IQCH: variants seen among roughly 807,000 people sequenced by gnomAD.
IQCH encodes IQ domain-containing protein H.
IQCH carries 98 observed loss-of-function variants against 117.0 expected under a neutral mutation model. The ratio of observed to expected loss-of-function variants is 0.84; its 90% CI spans 0.71 to 0.99. The LOEUF (loss-of-function observed/expected upper bound fraction) is 0.99. Ranked by LOEUF, IQCH falls within the 50% of genes least tolerant of loss-of-function variation. IQCH has a pLI of 0.00. For synonymous variants in IQCH, 412 were observed against 448.2 expected (o/e 0.92, Z 1.02); for missense variants, 1,102 against 1,243.8 (o/e 0.89, Z 1.72).
At position 67,381,650 on chromosome 15, in the gene IQCH, G is replaced by T. The variant is rs575709058; in HGVS notation, c.1373-3286G>T. 9.2e-5 allele frequency among the ~76,000 whole-genome samples: 14 copies of T among 152,180 alleles called. No homozygotes were observed. In the East Asian group the frequency reaches 2.3e-3, roughly 25 times the overall value. On this transcript the variant is annotated intron_variant, in intron 10 of 20. Coordinates refer to ENST00000335894, the MANE Select transcript of IQCH (RefSeq NM_001031715.3). The surrounding 1 kb of genome is among the most constrained non-coding windows in gnomAD (Gnocchi z 5.1). The stretch of plus-strand genomic sequence containing the variant: ...CCAATTTTAGAAGAGTTGAAAGAAG[G>T]GGGAGTGATCAGAACACACAGGAGA...
intron 3 of IQCH, among the ~76,000 whole-genome samples, chr15:67,263,536 A>AT (rs1439304746): frequency 6.6e-6 from 1 of 152,224 alleles, no homozygotes; most frequent in African/African-American, 2.4e-5. Context: ...CAATGAAGTG[A>AT]TTATAGATTA....
At chr15:67,351,480 T>C (rs1969661024) in intron 6 of IQCH, among the ~76,000 whole-genome samples, 1 of 152,232 alleles carries the variant, frequency 6.6e-6, no homozygotes, top group Non-Finnish European at 1.5e-5. Flanking sequence ...GTGCATTCCT[T>C]CACGTTTCCT....
chr15:67,389,299 G>A (rs908007844), intron 12 of IQCH, among the ~76,000 whole-genome samples: 1 of 152,024 alleles, frequency 6.6e-6, no homozygotes, highest in African/African-American at 2.4e-5. Flanking sequence ...TCTTAATTTT[G>A]TGTGGAGGAC....
At chr15:67,294,718 G>A (rs566193898) in intron 4 of IQCH, among the ~76,000 whole-genome samples, 2 of 152,356 alleles carry the variant, frequency 1.3e-5, no homozygotes, top group Non-Finnish European at 2.9e-5. Context: ...GCTTCTCTGA[G>A]CAGCTGAACT....
chr15:67,458,226 C>T lies in IQCH; in HGVS notation c.2506-6901C>T, dbSNP rs1162064621. Among the ~76,000 whole-genome samples the T allele has an allele frequency of 4.6e-5, 7 of 152,254 alleles. No homozygotes were observed. Among genetic ancestry groups the T allele is most frequent in the Non-Finnish European group, 1.0e-4 (7 of 68,046 alleles). On this transcript the variant is annotated intron_variant, in intron 16 of 20. Transcript: ENST00000335894. This position sits in a 1 kb window ranked among gnomAD's most constrained non-coding sequence, Gnocchi z 4.1. ...GATCTGAAATCTTGATTTTACCCTC[C>T]AAGGTATTTCTCTGGCATTCTGCCC...
intron 18 of IQCH, among the ~76,000 whole-genome samples, chr15:67,478,664 G>A (rs1204924719): frequency 2.0e-5 from 3 of 152,132 alleles, no homozygotes; most frequent in Non-Finnish European, 4.4e-5. Flanking sequence ...GGTGGCTCAT[G>A]CCTGTAATCC....
intron 8 of IQCH, 66 bp from the exon 9 acceptor site, chr15:67,372,045 T>A (rs1261421157): frequency 1.5e-6 from 2 of 1,345,926 alleles, no homozygotes; most frequent in African/African-American, 2.9e-5. Context: ...GTGTGTGTCT[T>A]GACCACTCAT....
At chr15:67,398,864 T>A (rs1016376500) in intron 13 of IQCH, among the ~76,000 whole-genome samples, 1 of 152,168 alleles carries the variant, frequency 6.6e-6, no homozygotes, top group African/African-American at 2.4e-5. Flanking sequence ...TAGTGTTATT[T>A]TGTTGCTTTC....
At position 67,403,620 on chromosome 15, in the gene IQCH, C is replaced by T. The variant is rs1262413544; in HGVS notation, c.2097+3315C>T. The T allele has an allele frequency of 6.6e-6, 1 of 152,156 alleles. No individual in the cohort carries two copies. Among genetic ancestry groups the T allele is most frequent in the Non-Finnish European group, 1.5e-5 (1 of 68,038 alleles). The allele number at this position is 152,156 out of a possible 1,614,324, so 9.4% of individuals were successfully genotyped here. ...ACACTCTTGCACACACTCCAAACTC[C>T]ACGTTCCCCAGTCGGGGGTATTTAT... On this transcript the variant is annotated intron_variant, in intron 14 of 20. Coordinates refer to ENST00000335894, the MANE Select transcript of IQCH (RefSeq NM_001031715.3). This position sits in a 1 kb window ranked among gnomAD's most constrained non-coding sequence, Gnocchi z 4.8.
At position 67,433,874 on chromosome 15, in the gene IQCH, T is replaced by G. The variant is rs2082069604; in HGVS notation, c.2505+12297T>G. Among the ~76,000 whole-genome samples, 1 of 152,224 alleles carries G rather than the reference T, an allele frequency of 6.6e-6. No individual in the cohort carries two copies. Among genetic ancestry groups the G allele is most frequent in the Non-Finnish European group, 1.5e-5 (1 of 68,032 alleles). On this transcript the variant is annotated intron_variant, in intron 16 of 20. Coordinates refer to ENST00000335894, the MANE Select transcript of IQCH (RefSeq NM_001031715.3). This position sits in a 1 kb window ranked among gnomAD's most constrained non-coding sequence, Gnocchi z 5.4. ...TGAAAGTTGTTTCTAGTTCCAGCTG[T>G]CACCTGTGGTCAAGACTTTTTATGT...
chr15:67,279,490 T>G lies in IQCH; in HGVS notation c.365T>G (p.Leu122Arg). The G allele has an allele frequency of 6.3e-7, 1 of 1,597,068 alleles. No individual in the cohort carries two copies. The highest frequency in any genetic ancestry group is 8.6e-7 in the Non-Finnish European group (1 of 1,169,194). Residue 122 changes from leucine to arginine, a missense_variant, in exon 4 of 21, where the codon CTG becomes CGG. Around this residue, in one of 2 missense-constraint regions of IQCH, gnomAD observed 452 missense variants for 449.6 expected, o/e 1.01. Coordinates refer to ENST00000335894, the MANE Select transcript of IQCH (RefSeq NM_001031715.3). ...WQPQRQHSSS[L>R]PVFPRAKIKV... ...CCCCAAAGACAGCACAGTTCATCTCTGCCTGTCTTTCCAAGAGCAAAGGTA... is the reference window on the plus strand; with the variant it reads ...CCCCAAAGACAGCACAGTTCATCTCGGCCTGTCTTTCCAAGAGCAAAGGTA...
At chr15:67,412,353 A>G (rs1018027787) in intron 14 of IQCH, among the ~76,000 whole-genome samples, 1 of 152,118 alleles carries the variant, frequency 6.6e-6, no homozygotes, top group African/African-American at 2.4e-5. Context: ...TTGTTACTCA[A>G]TGCAAAGCAA....
At chr15:67,361,964 G>A (rs1400933316) in intron 8 of IQCH, among the ~76,000 whole-genome samples, 1 of 151,910 alleles carries the variant, frequency 6.6e-6, no homozygotes, top group Non-Finnish European at 1.5e-5. Flanking sequence ...TTAATATTTT[G>A]ATAATAAAAA....
intron 5 of IQCH, among the ~76,000 whole-genome samples, chr15:67,338,439 T>C (rs1200245038): frequency 6.6e-6 from 1 of 152,148 alleles, no homozygotes; most frequent in Non-Finnish European, 1.5e-5. Flanking sequence ...GTACTTGCAA[T>C]ATGTCTGGTA....
In IQCH at chr15:67,395,323, G is replaced by T. The variant is rs1467941555; in HGVS notation, c.1665G>T (p.Met555Ile). The change falls in exon 13 of 21, where the codon ATG becomes ATT. Residue 555 changes from methionine (M) to isoleucine (I), a missense_variant. By Grantham distance (10) the Met-to-Ile change is conservative. Transcript: ENST00000335894. This position sits in a 1 kb window ranked among gnomAD's most constrained non-coding sequence, Gnocchi z 4.0. Reference sequence around the variant, plus strand: ...ATATGTGCCTGGCCACTCACCTGATGTACAGTCCCAAGGCAATCAAAAGAA... The same window carrying T: ...ATATGTGCCTGGCCACTCACCTGATTTACAGTCCCAAGGCAATCAAAAGAA... ...KHHMCLATHLMYSPKAIKRIK... is the reference protein window; with the variant it reads ...KHHMCLATHLIYSPKAIKRIK... 6.2e-7 allele frequency: 1 copy of T among 1,613,814 alleles called. No individual in the cohort carries two copies. The highest frequency in any genetic ancestry group is 2.2e-5 in the East Asian group (1 of 44,888).
chr15:67,261,491 A>G, intron 2 of IQCH, 97 bp downstream of exon 2: 1 of 1,047,678 alleles, frequency 9.5e-7, no homozygotes, highest in East Asian at 2.9e-5. Flanking sequence ...ATAATTCTGT[A>G]ACAAAGCTGA....
At position 67,426,006 on chromosome 15, in the gene IQCH, C is replaced by CT. The variant is rs1208306183; in HGVS notation, c.2505+4431dup. ...CAGTGAGAGACCCTTCAGGGTGTGT[C>CT]TTGTGTCCTTTTGACATGTCCTCAT... On this transcript the variant is annotated intron_variant, in intron 16 of 20. Coordinates refer to ENST00000335894, the MANE Select transcript of IQCH (RefSeq NM_001031715.3). The surrounding 1 kb of genome is among the most constrained non-coding windows in gnomAD (Gnocchi z 5.1). Among the ~76,000 whole-genome samples the CT allele has an allele frequency of 2.6e-5, 4 of 152,182 alleles. No homozygotes were observed. The highest frequency in any genetic ancestry group is 4.4e-5 in the Non-Finnish European group (3 of 68,036).
At chr15:67,301,356 G>A (rs1037337332) in intron 4 of IQCH, among the ~76,000 whole-genome samples, 1 of 146,054 alleles carries the variant, frequency 6.8e-6, no homozygotes, top group Non-Finnish European at 1.5e-5. Context: ...TTTAGGTTTT[G>A]AATGTACTTG....
chr15:67,414,663 AAT>A (rs1172021312), intron 14 of IQCH, among the ~76,000 whole-genome samples: 5 of 146,316 alleles, frequency 3.4e-5, no homozygotes, highest in Non-Finnish European at 4.5e-5. Context: ...CCAAAAAAAA[AAT>A]ATATATATAT....
Sources: gnomAD v4.1 joint callset for allele counts (sites outside exome capture counted in the v4.1 genomes callset) on GRCh38, gnomAD v4.1.1 for gene constraint, gnomAD v4.1.1 regional missense constraint, Gnocchi (gnomAD v3.1) non-coding constraint, MANE v1.5 for transcripts, NCBI Gene and HGNC (gene_info 2026-07-23, HGNC 2026-07-21) for gene names.